RGS7: variants seen among roughly 807,000 people sequenced by gnomAD.
RGS7 encodes regulator of G protein signaling 7, also known as regulator of G-protein signaling 7.
Under a neutral mutation model 81.1 loss-of-function variants are expected in RGS7, and 27 were observed. The ratio of observed to expected loss-of-function variants is 0.33; its 90% CI spans 0.25 to 0.46. The LOEUF (loss-of-function observed/expected upper bound fraction) is 0.46. RGS7 is among the 20% of genes least tolerant of loss of function. The probability of loss-of-function intolerance (pLI) is 1.00; values close to 1 mark genes in which losing one functional copy is unlikely to be tolerated. For synonymous variants in RGS7, 208 were observed against 207.7 expected (o/e 1.00, Z -0.01); for missense variants, 396 against 607.4 (o/e 0.65, Z 3.66).
At chr1:241,343,603 A>T (rs966116991) in intron 2 of RGS7, among the ~76,000 whole-genome samples, 1 of 152,242 alleles carries the variant, frequency 6.6e-6, no homozygotes, top group Admixed American at 6.5e-5. Context: ...CAGTCAAAAA[A>T]GAATAAATAC....
At chr1:241,094,348 A>G (rs2064104799) in intron 3 of RGS7, among the ~76,000 whole-genome samples, 1 of 152,006 alleles carries the variant, frequency 6.6e-6, no homozygotes, top group South Asian at 2.1e-4. Context: ...CTGTTAGTCA[A>G]ATTCTATAAT....
At chr1:240,998,642 C>A in intron 3 of RGS7, 1 of 1,025,074 alleles carries the variant, frequency 9.8e-7, no homozygotes, top group South Asian at 1.3e-5. Flanking sequence ...TTGACTTTGG[C>A]CAGGCCTTTG....
chr1:241,093,888 T>C (rs547898107), intron 3 of RGS7, among the ~76,000 whole-genome samples: 194 of 152,260 alleles, frequency 1.3e-3, no homozygotes, highest in Non-Finnish European at 2.1e-3. Context: ...CTATGGGGGA[T>C]GACTCCTAGG....
chr1:240,954,458 G>A (rs567336704), intron 4 of RGS7, among the ~76,000 whole-genome samples: 2 of 152,050 alleles, frequency 1.3e-5, no homozygotes, highest in South Asian at 4.2e-4. Flanking sequence ...ATCAATTAAT[G>A]TAATTCACCA....
At chr1:240,893,197 T>C (rs1017657040) in intron 6 of RGS7, among the ~76,000 whole-genome samples, 1 of 152,172 alleles carries the variant, frequency 6.6e-6, no homozygotes, top group African/African-American at 2.4e-5. Context: ...TTTCCTAAAC[T>C]GGCAATACGG....
chr1:241,041,915 C>A lies in RGS7; in HGVS notation c.175+56751G>T, dbSNP rs116307895. 6.4e-3 allele frequency among the ~76,000 whole-genome samples: 979 copies of A among 152,110 alleles called. 14 individuals are homozygous for A. The highest frequency in any genetic ancestry group is 0.023 in the African/African-American group (937 of 41,498). Reference sequence around the variant, plus strand: ...GGGCACATCTTATTTGTTGTTGTGTCCCTGGAACCTACCAAGTACTAGAGC... The same window carrying A: ...GGGCACATCTTATTTGTTGTTGTGTACCTGGAACCTACCAAGTACTAGAGC... On this transcript the variant is annotated intron_variant, in intron 3 of 18. Coordinates refer to ENST00000440928, the MANE Select transcript of RGS7 (RefSeq NM_001364886.1).
chr1:241,182,951 T>C (rs2071766115), intron 2 of RGS7, among the ~76,000 whole-genome samples: 1 of 152,046 alleles, frequency 6.6e-6, no homozygotes, highest in Non-Finnish European at 1.5e-5. Flanking sequence ...TTTCTTTTTT[T>C]TTTTTTCTTA....
At chr1:240,823,460 G>T (rs551061156) in intron 10 of RGS7, 3 of 241,570 alleles carry the variant, frequency 1.2e-5, no homozygotes. Context: ...CTCAGGACAC[G>T]GGCTGCGGCC....
chr1:241,160,987 C>A (rs1394048457), intron 2 of RGS7, among the ~76,000 whole-genome samples: 2 of 151,720 alleles, frequency 1.3e-5, no homozygotes, highest in African/African-American at 4.8e-5. Flanking sequence ...TAGGTTGGGG[C>A]AAAAGTGATA....
At chr1:241,307,382 T>C (rs1289457258) in intron 2 of RGS7, among the ~76,000 whole-genome samples, 1 of 152,230 alleles carries the variant, frequency 6.6e-6, no homozygotes, top group Admixed American at 6.5e-5. Context: ...CAAATGCATA[T>C]TATATTTTTT....
intron 3 of RGS7, among the ~76,000 whole-genome samples, chr1:241,013,102 G>C: frequency 9.2e-6 from 1 of 108,546 alleles, no homozygotes; most frequent in East Asian, 3.0e-4. Flanking sequence ...CCACTCTGTT[G>C]CCCAGGCTGG....
chr1:240,880,928 AG>A (rs560122345), intron 6 of RGS7, among the ~76,000 whole-genome samples: 292 of 152,124 alleles, frequency 1.9e-3, no homozygotes, highest in African/African-American at 6.4e-3. Flanking sequence ...AGGAAGAGGG[AG>A]GGAAAAATTT....
chr1:241,108,280 G>A (rs1221244788), intron 2 of RGS7, among the ~76,000 whole-genome samples: 3 of 145,420 alleles, frequency 2.1e-5, no homozygotes, highest in African/African-American at 7.7e-5. Flanking sequence ...TCCAGCCAGG[G>A]CGACAGAGCG....
At chr1:241,107,735 AT>A (rs2065213006) in intron 2 of RGS7, among the ~76,000 whole-genome samples, 2 of 152,238 alleles carry the variant, frequency 1.3e-5, no homozygotes, top group South Asian at 4.1e-4. Context: ...TCTGAATCTC[AT>A]TATTTAATGC....
chr1:241,304,102 AT>A (rs1331774645), intron 2 of RGS7, among the ~76,000 whole-genome samples: 1 of 152,122 alleles, frequency 6.6e-6, no homozygotes, highest in African/African-American at 2.4e-5. Context: ...ACTTTATTTT[AT>A]TAATTTTTTG....
At chr1:241,188,547 A>G (rs1282766131) in intron 2 of RGS7, among the ~76,000 whole-genome samples, 3 of 152,140 alleles carry the variant, frequency 2.0e-5, no homozygotes, top group Admixed American at 2.0e-4. Context: ...TAATCCATGG[A>G]CATTTTATTT....
At chr1:241,099,675 T>C (rs780928558) in intron 2 of RGS7, among the ~76,000 whole-genome samples, 7 of 152,224 alleles carry the variant, frequency 4.6e-5, no homozygotes, top group Non-Finnish European at 8.8e-5. Flanking sequence ...ACCTGGGAGA[T>C]GCAGAGACAC....
chr1:241,066,770 A>G (rs2062086706), intron 3 of RGS7, among the ~76,000 whole-genome samples: 1 of 152,226 alleles, frequency 6.6e-6, no homozygotes, highest in South Asian at 2.1e-4. Flanking sequence ...ATCTATTTAC[A>G]TGCATTTGTG....
rs115702544 is a variant in RGS7, at chr1:241,235,603, T to C, written c.78+120096A>G. On this transcript the variant is annotated intron_variant, in intron 2 of 18. Coordinates refer to ENST00000440928, the MANE Select transcript of RGS7 (RefSeq NM_001364886.1). ...TCTTTCTCTTTCTTTCTTCCTTTAT[T>C]TTTCTTTCTTCCTTTCCCTTTTCTC... is the stretch of plus-strand genomic sequence containing the variant. Among the ~76,000 whole-genome samples the C allele has an allele frequency of 6.2e-4, 92 of 148,956 alleles. 1 individual carries two copies. Among genetic ancestry groups the C allele is most frequent in the African/African-American group, 2.1e-3 (85 of 40,422 alleles).
Sources: allele counts gnomAD v4.1 joint callset (sites outside exome capture counted in the v4.1 genomes callset), GRCh38; gene constraint gnomAD v4.1.1; transcripts MANE v1.5; gene names NCBI Gene and HGNC (gene_info 2026-07-23, HGNC 2026-07-21).